PISD: variants seen among roughly 807,000 people sequenced by gnomAD.
PISD encodes phosphatidylserine decarboxylase proenzyme, mitochondrial.
A neutral mutation model predicts 43.5 loss-of-function variants in PISD; 31 were observed. The observed-to-expected ratio is 0.71, with a 90% confidence interval of 0.54 to 0.96. PISD has a LOEUF of 0.96. Among genes scored for constraint, PISD ranks in the 40% least tolerant of loss-of-function variants. The pLI is 0.00. For missense variants in PISD, 523 were observed against 548.4 expected (o/e 0.95, Z 0.46); for synonymous variants, 259 against 228.7 (o/e 1.13, Z -1.20).
At chr22:31,626,980 C>T (rs2072942584) in intron 3 of PISD, among the ~76,000 whole-genome samples, 1 of 152,260 alleles carries the variant, frequency 6.6e-6, no homozygotes, top group South Asian at 2.1e-4. Flanking sequence ...ATGGCCAGCC[C>T]GCCATGAGGC....
chr22:31,659,773 G>T (rs897584494), intron 1 of PISD, among the ~76,000 whole-genome samples: 1 of 151,964 alleles, frequency 6.6e-6, no homozygotes, highest in Admixed American at 6.6e-5. Context: ...TGTTAGAGAC[G>T]GGGTTTCAGC....
chr22:31,645,014 T>A (rs541397378), intron 3 of PISD, among the ~76,000 whole-genome samples: 1 of 151,944 alleles, frequency 6.6e-6, no homozygotes, highest in South Asian at 2.1e-4. Context: ...CCCAGCTACT[T>A]GGGAGGCTGA....
intron 7 of PISD, 50 bp downstream of exon 7, chr22:31,620,502 GA>G: frequency 6.3e-7 from 1 of 1,578,994 alleles, no homozygotes; most frequent in Non-Finnish European, 8.7e-7. Context: ...AAGGCAGGTA[GA>G]CCCAAGAGGT....
At chr22:31,628,542 C>G (rs535938554) in intron 3 of PISD, among the ~76,000 whole-genome samples, 1 of 152,316 alleles carries the variant, frequency 6.6e-6, no homozygotes, top group African/African-American at 2.4e-5. Context: ...TTTAATGTCA[C>G]TACATGGCCT....
At chr22:31,655,586 T>G (rs1047070480) in intron 1 of PISD, among the ~76,000 whole-genome samples, 2 of 152,208 alleles carry the variant, frequency 1.3e-5, no homozygotes, top group Admixed American at 1.3e-4. Flanking sequence ...CCCAAAGTTC[T>G]GGGATTACAG....
chr22:31,638,695 C>G (rs753769852), intron 3 of PISD: 3 of 899,776 alleles, frequency 3.3e-6, no homozygotes, highest in Non-Finnish European at 4.0e-6. Flanking sequence ...CTATGTTGCC[C>G]AGGCTGCTCT....
intron 3 of PISD, among the ~76,000 whole-genome samples, chr22:31,637,165 ATATATATATATATATAT>A (rs1201370225): frequency 2.2e-4 from 3 of 13,404 alleles, no homozygotes; most frequent in African/African-American, 9.7e-4. Context: ...AAAAAAAAAA[ATATATATATATATATAT>A]ATATATATAT....
intron 3 of PISD, among the ~76,000 whole-genome samples, chr22:31,628,688 C>A (rs1177939366): frequency 6.6e-6 from 1 of 152,198 alleles, no homozygotes. Flanking sequence ...CAGGTAGTCT[C>A]TAAGTCTTGG....
In PISD at chr22:31,619,919, C is replaced by T. The variant is rs1041832887; in HGVS notation, c.1006-83G>A. The T allele has an allele frequency of 2.8e-5, 25 of 893,910 alleles. No homozygotes were observed. The Admixed American group carries it at 5.7e-4, about 21-fold the overall frequency. 55.4% of individuals were successfully genotyped at this position (893,910 alleles called of 1,614,324 possible). On this transcript the variant is annotated intron_variant, in intron 7 of 7. Transcript: ENST00000439502. ...CCCACATGTGTTTGGAGTCCCACTC[C>T]CTCTGTTGCTTGTCCCCACCACCAC...
intron 3 of PISD, chr22:31,629,203 T>C (rs1360075686): frequency 2.0e-6 from 2 of 984,902 alleles, no homozygotes. Context: ...TTACTACAGG[T>C]TGGGTTGGGG....
chr22:31,650,062 A>C (rs73402170), intron 2 of PISD, among the ~76,000 whole-genome samples: 1,774 of 152,356 alleles, frequency 0.012, 38 homozygotes, highest in African/African-American at 0.04. Context: ...CAAGCAACCC[A>C]GTTTGTGTTG....
chr22:31,625,553 CCCT>C (rs1381528552), intron 3 of PISD: 6 of 623,870 alleles, frequency 9.6e-6, no homozygotes, highest in East Asian at 8.3e-5. Context: ...CCCTGCTGGG[CCCT>C]CCTCATGGTT....
chr22:31,634,927 G>A (rs1286294213), intron 3 of PISD, among the ~76,000 whole-genome samples: 4 of 151,786 alleles, frequency 2.6e-5, no homozygotes, highest in African/African-American at 7.3e-5. Context: ...AACACTTTGG[G>A]AGGCTGAGGT....
intron 3 of PISD, among the ~76,000 whole-genome samples, chr22:31,636,697 G>A (rs1276814246): frequency 1.3e-5 from 2 of 152,026 alleles, no homozygotes; most frequent in East Asian, 1.9e-4. Context: ...CCGCCACCAC[G>A]CCCGGCTAAT....
In PISD at chr22:31,630,650, C is replaced by T. The variant is rs1367964828; in HGVS notation, c.322-8765G>A. 3 of 870,416 alleles carry T rather than the reference C, an allele frequency of 3.4e-6. No homozygotes were observed. The highest frequency in any genetic ancestry group is 5.2e-5 in the South Asian group (1 of 19,086). 53.9% of individuals were successfully genotyped at this position (870,416 alleles called of 1,614,324 possible). ...CGCGGGGCTCCTCAGGCCGGGGCCG[C>T]GTCGTCACAGCTGGGAGAGCCCACC... On this transcript the variant is annotated intron_variant, in intron 3 of 7. Coordinates refer to ENST00000439502, the MANE Select transcript of PISD (RefSeq NM_001326411.2). The surrounding 1 kb of genome is among the most constrained non-coding windows in gnomAD (Gnocchi z 4.4).
intron 1 of PISD, among the ~76,000 whole-genome samples, chr22:31,654,431 C>T (rs948491224): frequency 4.6e-5 from 7 of 152,234 alleles, no homozygotes; most frequent in African/African-American, 1.7e-4. Flanking sequence ...CTGATGACTC[C>T]TTCATTGCTC....
chr22:31,644,332 C>T (rs1375719543), intron 3 of PISD, among the ~76,000 whole-genome samples: 3 of 151,526 alleles, frequency 2.0e-5, no homozygotes, highest in East Asian at 2.0e-4. Context: ...CTCCACCTCC[C>T]GGGTTCACGC....
At chr22:31,654,336 C>T (rs954119465) in intron 1 of PISD, among the ~76,000 whole-genome samples, 1 of 152,074 alleles carries the variant, frequency 6.6e-6, no homozygotes, top group Non-Finnish European at 1.5e-5. Context: ...GGATTCTTGC[C>T]ATGCCCAGGG....
chr22:31,660,907 T>C (rs2074298235), intron 1 of PISD, among the ~76,000 whole-genome samples: 1 of 152,058 alleles, frequency 6.6e-6, no homozygotes, highest in Admixed American at 6.6e-5. Context: ...CTAATTTTTG[T>C]ATTTTTTAGT....
Sources: gnomAD v4.1 joint callset for allele counts (sites outside exome capture counted in the v4.1 genomes callset) on GRCh38, gnomAD v4.1.1 for gene constraint, Gnocchi (gnomAD v3.1) non-coding constraint, MANE v1.5 for transcripts, NCBI Gene and HGNC (gene_info 2026-07-23, HGNC 2026-07-21) for gene names.